Variants in HSPA12A observed in about 807,000 individuals in gnomAD.
HSPA12A encodes heat shock protein family A (Hsp70) member 12A, also known as heat shock 70 kDa protein 12A.
Under a neutral mutation model 69.2 loss-of-function variants are expected in HSPA12A, and 28 were observed. That is an observed-to-expected ratio of 0.40 (90% confidence interval 0.30 to 0.55). HSPA12A has a LOEUF of 0.55. HSPA12A is among the 20% of genes least tolerant of loss of function. The probability of loss-of-function intolerance (pLI) is 0.38; values close to 1 mark genes in which losing one functional copy is unlikely to be tolerated. For missense variants in HSPA12A, 686 were observed against 900.7 expected, an observed-to-expected ratio of 0.76 and a Z score of 3.05; for synonymous variants, 345 against 370.5, an observed-to-expected ratio of 0.93 and a Z score of 0.79.
intron 2 of HSPA12A, among the ~76,000 whole-genome samples, chr10:116,803,288 C>T (rs764236477): frequency 1.1e-4 from 17 of 152,154 alleles, no homozygotes; most frequent in Non-Finnish European, 2.4e-4. Context: ...TGCGTACACG[C>T]AGATATACAC....
rs187530642 is a variant in HSPA12A, at chr10:116,791,261, A to G, written c.91+43674T>C. Among the ~76,000 whole-genome samples the G allele has an allele frequency of 4.6e-5, 7 of 152,362 alleles. No homozygotes were observed. The East Asian group carries it at 1.3e-3, about 29-fold the overall frequency. ...TAGGCCATTTCTCCCAACTGCTCCC[A>G]AAGGAGGTCAGATGTGTTTAAAGCA... On this transcript the variant is annotated intron_variant, in intron 2 of 12. Coordinates refer to the HSPA12A transcript ENST00000635765.
At chr10:116,834,134 T>A (rs746445316) in intron 2 of HSPA12A, among the ~76,000 whole-genome samples, 1 of 152,096 alleles carries the variant, frequency 6.6e-6, no homozygotes, top group African/African-American at 2.4e-5. Flanking sequence ...CCTGGCTGAG[T>A]TGGAAAACAT....
chr10:116,818,268 T>C (rs1845345198), intron 2 of HSPA12A, among the ~76,000 whole-genome samples: 1 of 152,238 alleles, frequency 6.6e-6, no homozygotes, highest in South Asian at 2.1e-4. Context: ...AGGTTGTCTC[T>C]CTTGGCCCCT....
rs71013613 is a variant in HSPA12A, at chr10:116,726,027, GCA to G, written c.40+16401_40+16402del. Among the ~76,000 whole-genome samples, 18 of 146,220 alleles carry G rather than the reference GCA, an allele frequency of 1.2e-4. 2 individuals are homozygous for G. Among genetic ancestry groups the G allele is most frequent in the African/African-American group, 3.6e-4 (14 of 39,082 alleles). On this transcript the variant is annotated intron_variant, in intron 1 of 11. Transcript: ENST00000369209. ...ACAAGGTTTAGACACACACACACAC[GCA>G]CACACACACACACACACACACACAC...
intron 1 of HSPA12A, among the ~76,000 whole-genome samples, chr10:116,727,625 T>G (rs1185619487): frequency 3.9e-5 from 6 of 152,200 alleles, no homozygotes; most frequent in Non-Finnish European, 8.8e-5. Context: ...AACCATACTT[T>G]GAGTAGCCAA....
At chr10:116,823,834 G>A (rs1261730212) in intron 2 of HSPA12A, among the ~76,000 whole-genome samples, 1 of 152,064 alleles carries the variant, frequency 6.6e-6, no homozygotes, top group African/African-American at 2.4e-5. Flanking sequence ...AAGTCTTTGT[G>A]GCCTTATGTT....
intron 6 of HSPA12A, 129 bp from the exon 7 acceptor site, chr10:116,684,091 A>G (rs1440761733): frequency 4.0e-6 from 3 of 748,322 alleles, no homozygotes; most frequent in Non-Finnish European, 6.1e-6. Context: ...CATTCTCTAC[A>G]CAGTCCTCTG....
intron 1 of HSPA12A, chr10:116,835,213 T>C: frequency 3.2e-6 from 1 of 312,128 alleles, no homozygotes; most frequent in Non-Finnish European, 5.8e-6. Flanking sequence ...ACTTGTTGTG[T>C]GGCCTTGGGC....
chr10:116,746,050 C>G (rs1280764515), upstream of HSPA12A, among the ~76,000 whole-genome samples: 1 of 152,090 alleles, frequency 6.6e-6, no homozygotes, highest in Non-Finnish European at 1.5e-5. Context: ...CCCCCAGACC[C>G]TAGGATGGTG....
At chr10:116,841,925 A>G (rs1845808577) in intron 1 of HSPA12A, among the ~76,000 whole-genome samples, 1 of 152,206 alleles carries the variant, frequency 6.6e-6, no homozygotes, top group African/African-American at 2.4e-5. Context: ...CACTTTGCCA[A>G]TAATTAACGT....
intron 2 of HSPA12A, among the ~76,000 whole-genome samples, chr10:116,776,605 C>A (rs960854785): frequency 6.6e-6 from 1 of 152,092 alleles, no homozygotes; most frequent in African/African-American, 2.4e-5. Flanking sequence ...TCAAAGTGAA[C>A]AACGAATTTA....
At chr10:116,679,802 C>A in intron 9 of HSPA12A, 41 bp from the exon 10 acceptor site, 1 of 1,599,264 alleles carries the variant, frequency 6.3e-7, no homozygotes, top group Middle Eastern at 1.7e-4. Context: ...TGTTAAAAAC[C>A]ATTAGAAACC....
chr10:116,735,097 C>A (rs1851276093), intron 1 of HSPA12A, among the ~76,000 whole-genome samples: 1 of 152,228 alleles, frequency 6.6e-6, no homozygotes, highest in African/African-American at 2.4e-5. Context: ...CACCATCATT[C>A]TTCATTTATC....
In HSPA12A at chr10:116,674,219, G is replaced by A; in HGVS notation, c.*562C>T. 1 of 157,622 alleles carries A rather than the reference G, an allele frequency of 6.3e-6. No homozygotes were observed. The highest frequency in any genetic ancestry group is 6.0e-5 in the Admixed American group (1 of 16,732). 9.8% of individuals were successfully genotyped at this position (157,622 alleles called of 1,614,324 possible). On this transcript the variant is annotated 3_prime_UTR_variant, in exon 12 of 12. Coordinates refer to ENST00000369209, the MANE Select transcript of HSPA12A (RefSeq NM_025015.3). ...ATGAGAATCTAAAACAGTGCCCAGT[G>A]TAGGCAGCCTTCTACCACCAGCTAA...
chr10:116,727,752 G>GTTTTTT lies in HSPA12A; in HGVS notation c.40+14672_40+14677dup, dbSNP rs71859215. On this transcript the variant is annotated intron_variant, in intron 1 of 11. Transcript: ENST00000369209. ...TCCAAGGGTAGGCTAATGTAAGTGG[G>GTTTTTT]TTTTTTTTTTTTTTTTGGTTTTTTG... is the stretch of plus-strand genomic sequence containing the variant. Among the ~76,000 whole-genome samples the GTTTTTT allele has an allele frequency of 3.3e-3, 429 of 131,374 alleles. 6 individuals carry two copies. The highest frequency in any genetic ancestry group is 0.011 in the African/African-American group (400 of 35,216). 86.2% of individuals were successfully genotyped at this position (131,374 alleles called of 152,430 possible).
intron 2 of HSPA12A, among the ~76,000 whole-genome samples, chr10:116,752,404 T>A (rs1485173146): frequency 2.0e-5 from 3 of 152,188 alleles, no homozygotes; most frequent in Non-Finnish European, 4.4e-5. Context: ...CTCCCCTCAT[T>A]TATTCTCATT....
intron 3 of HSPA12A, among the ~76,000 whole-genome samples, chr10:116,701,705 C>T (rs575972009): frequency 2.2e-4 from 34 of 152,260 alleles, no homozygotes; most frequent in African/African-American, 8.2e-4. Flanking sequence ...GTGGGCCAGC[C>T]GGGGCATTCG....
intron 7 of HSPA12A, among the ~76,000 whole-genome samples, chr10:116,682,764 G>T (rs944564202): frequency 1.3e-5 from 2 of 151,918 alleles, no homozygotes; most frequent in Non-Finnish European, 2.9e-5. Flanking sequence ...GCAGTGGTGC[G>T]ATCTCGGCTC....
At chr10:116,813,705 C>T (rs1845242563) in intron 2 of HSPA12A, among the ~76,000 whole-genome samples, 1 of 151,102 alleles carries the variant, frequency 6.6e-6, no homozygotes, top group South Asian at 2.1e-4. Context: ...ATAGCAAGAC[C>T]CTCCCTCTCT....
Sources: allele counts gnomAD v4.1 joint callset (sites outside exome capture counted in the v4.1 genomes callset), GRCh38; gene constraint gnomAD v4.1.1; transcripts MANE v1.5; gene names NCBI Gene and HGNC (gene_info 2026-07-23, HGNC 2026-07-21).